KLHL25: variants seen among roughly 807,000 people sequenced by gnomAD.
The protein encoded by KLHL25 is kelch-like protein 25.
In KLHL25, 41 loss-of-function variants were observed where a neutral mutation model predicts 30.0. That is an observed-to-expected ratio of 1.37 (90% confidence interval 1.07 to 1.78). The LOEUF is 1.78. Among genes scored for constraint, KLHL25 ranks in the 40% most tolerant of loss-of-function variants. The pLI is 0.00. For synonymous variants in KLHL25, 399 were observed against 355.3 expected, an observed-to-expected ratio of 1.12 and a Z score of -1.38; for missense variants, 971 against 824.5, an observed-to-expected ratio of 1.18 and a Z score of -2.18.
At chr15:85,793,690 T>C (rs1456033494) in intron 1 of KLHL25, among the ~76,000 whole-genome samples, 1 of 152,218 alleles carries the variant, frequency 6.6e-6, no homozygotes, top group Non-Finnish European at 1.5e-5. Context: ...CTGGTGCTAC[T>C]GCTAACTTCC....
intron 1 of KLHL25, among the ~76,000 whole-genome samples, chr15:85,778,119 G>A (rs145022336): frequency 8.5e-5 from 13 of 152,340 alleles, no homozygotes; most frequent in Non-Finnish European, 1.5e-4. Flanking sequence ...GCGGTAATGA[G>A]TGTTCTCATC....
At chr15:85,764,066 T>G (rs990836888) in intron 2 of KLHL25, 3 of 152,296 alleles carry the variant, frequency 2.0e-5, no homozygotes, top group African/African-American at 7.2e-5. Flanking sequence ...GGCTCAGCCC[T>G]GACAGCTCCG....
Position 85,768,887 on chromosome 15 carries a change from G to T in KLHL25, c.924C>A (p.Asp308Glu), listed in dbSNP as rs377145491. The T allele has an allele frequency of 1.2e-6, 2 of 1,613,250 alleles. No homozygotes were observed. The highest frequency in any genetic ancestry group is 2.7e-5 in the African/African-American group (2 of 74,960). The change falls in exon 2 of 3, where the codon GAC (aspartate) becomes GAA (glutamate). Residue 308 changes from aspartate to glutamate, a missense_variant. Coordinates refer to ENST00000337975, the MANE Select transcript of KLHL25 (RefSeq NM_022480.4). ...CCTTGTGGTCCACCTGGTAGATCTT[G>T]TCACACATGAAGGTCTGGCCCCCCA... ...LILGGQTFMC[D>E]KIYQVDHKAK...
chr15:85,769,420 C>G lies in KLHL25; in HGVS notation c.391G>C (p.Asp131His), dbSNP rs1380852524. 1 of 1,613,998 alleles carries G rather than the reference C, an allele frequency of 6.2e-7. No homozygotes were observed. Among genetic ancestry groups the G allele is most frequent in the Non-Finnish European group, 8.5e-7 (1 of 1,180,032 alleles). Residue 131 changes from aspartate to histidine, a missense_variant, in exon 2 of 3, where the codon GAT becomes CAT. Asp to His is a moderately conservative substitution (Grantham distance 81). Coordinates refer to ENST00000337975, the MANE Select transcript of KLHL25 (RefSeq NM_022480.4). ...AACTCGGCGGCAGCATCCCGCACAT[C>G]GTGGAACTGCAGCATGTCGCCTGCC... is the stretch of plus-strand genomic sequence containing the variant. ...LEAGDMLQFH[D>H]VRDAAAEFLE...
At chr15:85,766,276 CTGTGCTGGAGG>C (rs2089624890) in intron 2 of KLHL25, among the ~76,000 whole-genome samples, 1 of 152,238 alleles carries the variant, frequency 6.6e-6, no homozygotes, top group African/African-American at 2.4e-5. Flanking sequence ...CAGTCTCGTC[CTGTGCTGGAGG>C]CAGAGTGCAC....
intron 1 of KLHL25, among the ~76,000 whole-genome samples, chr15:85,792,157 T>A (rs1445691709): frequency 1.3e-5 from 2 of 152,120 alleles, no homozygotes; most frequent in East Asian, 3.9e-4. Flanking sequence ...TGGGCTGACT[T>A]CCATCAGCTG....
In KLHL25 at chr15:85,768,753, C is replaced by T; in HGVS notation, c.1058G>A (p.Gly353Glu). The T allele has an allele frequency of 6.2e-7, 1 of 1,613,114 alleles. No individual in the cohort carries two copies. Among genetic ancestry groups the T allele is most frequent in the South Asian group, 1.1e-5 (1 of 91,086 alleles). ...GTACACCCAGACATCCTTGGAGACC[C>T]CGTTCTCGGAGCCCCTGCCCCCCGT... ...YVTGGRGSEN[G>E]VSKDVWVYDT... Residue 353 changes from glycine (G) to glutamate (E), a missense_variant, in exon 2 of 3, where the codon GGG becomes GAG. By Grantham distance (98) the Gly-to-Glu change is moderately conservative (BLOSUM62 -2). Coordinates refer to ENST00000337975, the MANE Select transcript of KLHL25 (RefSeq NM_022480.4).
intron 1 of KLHL25, among the ~76,000 whole-genome samples, chr15:85,778,753 T>G (rs2089726341): frequency 6.6e-6 from 1 of 152,224 alleles, no homozygotes. Flanking sequence ...CTCAGCCCTG[T>G]GTCCACCAGC....
chr15:85,774,472 T>C (rs1424408958), intron 1 of KLHL25, among the ~76,000 whole-genome samples: 1 of 152,036 alleles, frequency 6.6e-6, no homozygotes, highest in Non-Finnish European at 1.5e-5. Context: ...AGAAACAAAC[T>C]AGCCAAGGGG....
intron 2 of KLHL25, among the ~76,000 whole-genome samples, chr15:85,767,483 C>G (rs1022213743): frequency 2.6e-5 from 4 of 152,234 alleles, no homozygotes; most frequent in Admixed American, 1.3e-4. Flanking sequence ...GGGGGCCATT[C>G]TCCTGGACTC....
chr15:85,777,641 G>C (rs1389011384), intron 1 of KLHL25, among the ~76,000 whole-genome samples: 1 of 152,178 alleles, frequency 6.6e-6, no homozygotes, highest in Admixed American at 6.5e-5. Flanking sequence ...AGAGTCCCAG[G>C]GTGACTGCAG....
intron 1 of KLHL25, among the ~76,000 whole-genome samples, chr15:85,774,653 G>A (rs373472494): frequency 8.5e-5 from 13 of 152,112 alleles, no homozygotes; most frequent in African/African-American, 2.9e-4. Flanking sequence ...CTTCCCACCC[G>A]CCTCCACTAA....
Position 85,778,941 on chromosome 15 carries a change from T to C in KLHL25, c.-10-9121A>G, listed in dbSNP as rs943982775. Among the ~76,000 whole-genome samples the C allele has an allele frequency of 3.9e-5, 6 of 152,084 alleles. No homozygotes were observed. The East Asian group carries it at 5.8e-4, about 15-fold the overall frequency. On this transcript the variant is annotated intron_variant, in intron 1 of 2. Transcript: ENST00000337975. ...GTAGGGAGCAGCCTCTGTGATCAGA[T>C]AGGGAATCAGGACTGAGAAAGTTCA...
intron 2 of KLHL25, chr15:85,762,958 G>A (rs2089593153): frequency 6.6e-6 from 1 of 152,288 alleles, no homozygotes; most frequent in Admixed American, 6.5e-5. Flanking sequence ...CAGTGGCTAG[G>A]CCCCAGCAAC....
intron 1 of KLHL25, among the ~76,000 whole-genome samples, chr15:85,792,693 C>G (rs2089825863): frequency 6.6e-6 from 1 of 152,198 alleles, no homozygotes; most frequent in Non-Finnish European, 1.5e-5. Context: ...TATCTTGAGG[C>G]TGGCAATGAA....
At chr15:85,793,732 TG>T (rs1239186101) in intron 1 of KLHL25, among the ~76,000 whole-genome samples, 2 of 151,968 alleles carry the variant, frequency 1.3e-5, no homozygotes, top group Non-Finnish European at 2.9e-5. Context: ...GCCGATAGAG[TG>T]GAACCAAATG....
chr15:85,794,717 C>T (rs1470614169), intron 1 of KLHL25, 49 bp downstream of exon 1: 1 of 151,800 alleles, frequency 6.6e-6, no homozygotes, highest in Non-Finnish European at 1.5e-5. Flanking sequence ...AGCGGGGGCG[C>T]GGGTGCTGCG....
rs992644694 is a variant in KLHL25, at chr15:85,759,430, T to C, written c.*1606A>G. 7 of 152,536 alleles carry C rather than the reference T, an allele frequency of 4.6e-5. No individual in the cohort carries two copies. The highest frequency in any genetic ancestry group is 7.3e-5 in the Non-Finnish European group (5 of 68,038). The allele number at this position is 152,536 out of a possible 1,614,324, so 9.4% of individuals were successfully genotyped here. A position where few individuals can be genotyped will look rare whatever the true frequency, so the allele number is the denominator to read the frequency against. On this transcript the variant is annotated 3_prime_UTR_variant, in exon 3 of 3. Coordinates refer to ENST00000337975, the MANE Select transcript of KLHL25 (RefSeq NM_022480.4). ...TGTGCTATGTGATAAGTGTGCTTTA[T>C]CTCAATGAAGCAACCCCACGGGTCC...
In KLHL25 at chr15:85,761,156, T is replaced by C. The variant is rs186192025; in HGVS notation, c.*25-145A>G. ...GATCCACCATTCACCGGCAGCGCAG[T>C]CTGGTGATTCAGGCACCCCAGGCCT... On this transcript the variant is annotated intron_variant, in intron 2 of 2. Transcript: ENST00000337975. 19 of 152,410 alleles carry C rather than the reference T, an allele frequency of 1.2e-4. No homozygotes were observed. The East Asian group carries it at 3.3e-3, about 26-fold the overall frequency. 9.4% of individuals were successfully genotyped at this position (152,410 alleles called of 1,614,324 possible). A position where few individuals can be genotyped will look rare whatever the true frequency, so the allele number is the denominator to read the frequency against.
Sources: gnomAD v4.1 joint callset for allele counts (sites outside exome capture counted in the v4.1 genomes callset) on GRCh38, gnomAD v4.1.1 for gene constraint, MANE v1.5 for transcripts, NCBI Gene and HGNC (gene_info 2026-07-23, HGNC 2026-07-21) for gene names.